The following MACROD2 variants were observed in gnomAD, a reference collection of about 807,000 sequenced individuals.
MACROD2 encodes the protein mono-ADP ribosylhydrolase 2.
In MACROD2, 36 loss-of-function variants were observed where a neutral mutation model predicts 70.4. That is an observed-to-expected ratio of 0.51 (90% confidence interval 0.39 to 0.68). The LOEUF (loss-of-function observed/expected upper bound fraction) is 0.68, where lower values mean the gene tolerates loss of function less well. Ranked by LOEUF, MACROD2 falls within the 30% of genes least tolerant of loss-of-function variation. The pLI is 0.00. For missense variants in MACROD2, 496 were observed against 538.4 expected, an observed-to-expected ratio of 0.92 and a Z score of 0.78; for synonymous variants, 172 against 178.8, an observed-to-expected ratio of 0.96 and a Z score of 0.30.
chr20:15,687,344 C>T (rs1048731536), intron 8 of MACROD2, among the ~76,000 whole-genome samples: 11 of 151,580 alleles, frequency 7.3e-5, no homozygotes, highest in Non-Finnish European at 1.5e-4. Flanking sequence ...ATAATAAGCA[C>T]GTGATAAATG....
chr20:15,699,007 G>T (rs1470462886), intron 8 of MACROD2, among the ~76,000 whole-genome samples: 1 of 152,048 alleles, frequency 6.6e-6, no homozygotes, highest in Non-Finnish European at 1.5e-5. Context: ...GGATTTCTTT[G>T]CATTGGGCTA....
intron 8 of MACROD2, among the ~76,000 whole-genome samples, chr20:15,806,080 G>A (rs1449013669): frequency 2.0e-5 from 3 of 152,206 alleles, no homozygotes; most frequent in Non-Finnish European, 4.4e-5. Flanking sequence ...TTTCATATGA[G>A]TTTATGGATT....
intron 8 of MACROD2, among the ~76,000 whole-genome samples, chr20:15,539,597 T>C (rs1209465171): frequency 6.6e-6 from 1 of 152,212 alleles, no homozygotes; most frequent in Non-Finnish European, 1.5e-5. Flanking sequence ...TAAACTGAGG[T>C]TTCTTTTTGC....
intron 3 of MACROD2, among the ~76,000 whole-genome samples, chr20:14,122,871 A>C (rs994695824): frequency 9.9e-5 from 15 of 152,068 alleles, no homozygotes; most frequent in African/African-American, 2.9e-4. Flanking sequence ...GTGTCTATCT[A>C]TCTGGCCCAT....
chr20:15,804,614 A>G (rs1278295480), intron 8 of MACROD2, among the ~76,000 whole-genome samples: 1 of 152,222 alleles, frequency 6.6e-6, no homozygotes, highest in African/African-American at 2.4e-5. Flanking sequence ...AGAAAAGCAC[A>G]CAGCTGAGAG....
At chr20:15,178,232 G>T (rs1369401388) in intron 5 of MACROD2, among the ~76,000 whole-genome samples, 1 of 152,102 alleles carries the variant, frequency 6.6e-6, no homozygotes, top group Non-Finnish European at 1.5e-5. Context: ...TCCTTCTCTT[G>T]ATATTGTATT....
chr20:14,922,930 G>A (rs913104703), intron 5 of MACROD2, among the ~76,000 whole-genome samples: 4 of 152,124 alleles, frequency 2.6e-5, no homozygotes, highest in African/African-American at 9.7e-5. Context: ...TACAATCAAA[G>A]TAAAATAACT....
intron 10 of MACROD2, among the ~76,000 whole-genome samples, chr20:15,915,649 G>A (rs2065303133): frequency 6.6e-6 from 1 of 152,170 alleles, no homozygotes; most frequent in African/African-American, 2.4e-5. Context: ...TCACACCCAT[G>A]GTTTTTTGAG....
chr20:14,786,648 AG>A (rs1476867041), intron 5 of MACROD2, among the ~76,000 whole-genome samples: 1 of 152,008 alleles, frequency 6.6e-6, no homozygotes, highest in Non-Finnish European at 1.5e-5. Flanking sequence ...TGCTCTTAAA[AG>A]CAAAAACTAG....
chr20:14,414,935 T>C (rs1052724596), intron 3 of MACROD2, among the ~76,000 whole-genome samples: 2 of 152,042 alleles, frequency 1.3e-5, no homozygotes, highest in African/African-American at 4.8e-5. Context: ...TTATGTTTTT[T>C]TTTTTTTCCC....
intron 5 of MACROD2, among the ~76,000 whole-genome samples, chr20:14,867,470 T>G (rs2073440424): frequency 6.6e-6 from 1 of 151,928 alleles, no homozygotes; most frequent in African/African-American, 2.4e-5. Context: ...TATGAAAGAG[T>G]CTGGATTCTA....
intron 6 of MACROD2, among the ~76,000 whole-genome samples, chr20:15,275,134 C>T (rs1265054514): frequency 2.0e-5 from 3 of 152,184 alleles, no homozygotes; most frequent in Non-Finnish European, 2.9e-5. Flanking sequence ...TGCCCAGACC[C>T]ACTCCTAGAC....
chr20:15,521,188 G>A (rs1019529920), intron 8 of MACROD2, among the ~76,000 whole-genome samples: 1 of 152,126 alleles, frequency 6.6e-6, no homozygotes, highest in Non-Finnish European at 1.5e-5. Context: ...GTGAAGAATC[G>A]TGCATCTACA....
intron 10 of MACROD2, among the ~76,000 whole-genome samples, chr20:15,909,823 G>A (rs6034325): frequency 0.94 from 143,327 of 152,170 alleles, 67,898 homozygotes; most frequent in East Asian, 1. Context: ...GCGCCCGGCC[G>A]TAATACAATT....
chr20:15,305,599 T>C (rs1471593319), intron 6 of MACROD2, among the ~76,000 whole-genome samples: 1 of 152,068 alleles, frequency 6.6e-6, no homozygotes, highest in Admixed American at 6.6e-5. Context: ...GGTCTGACAA[T>C]TCCTGTGATA....
intron 6 of MACROD2, among the ~76,000 whole-genome samples, chr20:15,348,072 C>T (rs1362848737): frequency 1.3e-5 from 2 of 152,192 alleles, no homozygotes; most frequent in Non-Finnish European, 2.9e-5. Context: ...TTTGATGACA[C>T]TATGTGATAG....
At chr20:14,689,462 A>C (rs1314090299) in intron 5 of MACROD2, among the ~76,000 whole-genome samples, 3 of 152,196 alleles carry the variant, frequency 2.0e-5, no homozygotes, top group Admixed American at 1.3e-4. Context: ...GAATGAATAA[A>C]ACGTAACTCT....
chr20:14,768,932 G>C (rs990204444), intron 5 of MACROD2, among the ~76,000 whole-genome samples: 2 of 152,066 alleles, frequency 1.3e-5, no homozygotes, highest in African/African-American at 4.8e-5. Context: ...GAAGTAAGGA[G>C]GTTTTGAAAC....
At chr20:15,828,618 G>T (rs965874953) in intron 8 of MACROD2, among the ~76,000 whole-genome samples, 2 of 152,162 alleles carry the variant, frequency 1.3e-5, no homozygotes, top group Admixed American at 6.5e-5. Flanking sequence ...TTTCACGGTG[G>T]ATTTTACTGT....
Sources: gnomAD v4.1 joint callset for allele counts (sites outside exome capture counted in the v4.1 genomes callset) on GRCh38, gnomAD v4.1.1 for gene constraint, MANE v1.5 for transcripts, NCBI Gene and HGNC (gene_info 2026-07-23, HGNC 2026-07-21) for gene names.